ERBB4: variants seen among roughly 807,000 people sequenced by gnomAD.
ERBB4 encodes erb-b2 receptor tyrosine kinase 4, also known as receptor tyrosine-protein kinase erbB-4.
Under a neutral mutation model 158.0 loss-of-function variants are expected in ERBB4, and 42 were observed. That is an observed-to-expected ratio of 0.27 (90% CI 0.21 to 0.34). ERBB4 has a LOEUF of 0.34. Ranked by LOEUF, ERBB4 falls within the 10% of genes least tolerant of loss-of-function variation. ERBB4 has a pLI of 1.00. For synonymous variants in ERBB4, 583 were observed against 558.7 expected (o/e 1.04, Z -0.61); for missense variants, 1,333 against 1,624.1 (o/e 0.82, Z 3.08).
At chr2:212,400,965 A>G (rs1016530959) in intron 1 of ERBB4, among the ~76,000 whole-genome samples, 7 of 152,212 alleles carry the variant, frequency 4.6e-5, no homozygotes, top group East Asian at 1.9e-4. Context: ...TAGTAGCTCA[A>G]TAAATGCTAG....
chr2:211,966,876 G>A (rs529113771), intron 2 of ERBB4, among the ~76,000 whole-genome samples: 3 of 152,176 alleles, frequency 2.0e-5, no homozygotes, highest in African/African-American at 7.2e-5. Context: ...TACTACCCAA[G>A]TTGTGTATAA....
At chr2:211,846,730 C>T (rs1245999615) in intron 3 of ERBB4, among the ~76,000 whole-genome samples, 1 of 152,086 alleles carries the variant, frequency 6.6e-6, no homozygotes, top group African/African-American at 2.4e-5. Flanking sequence ...ACAATTTGAA[C>T]TTGAAAATAA....
intron 2 of ERBB4, among the ~76,000 whole-genome samples, chr2:212,099,560 T>A (rs1028726855): frequency 1.3e-5 from 2 of 152,144 alleles, no homozygotes; most frequent in African/African-American, 4.8e-5. Context: ...CTATCTCCAA[T>A]CTGCATGTGA....
chr2:211,956,675 T>C (rs1434684886), intron 2 of ERBB4, among the ~76,000 whole-genome samples: 1 of 152,122 alleles, frequency 6.6e-6, no homozygotes, highest in Non-Finnish European at 1.5e-5. Flanking sequence ...TGTAAATATT[T>C]TGTATAAGTT....
chr2:211,576,106 T>TG (rs2067884338), intron 19 of ERBB4, among the ~76,000 whole-genome samples: 2 of 151,620 alleles, frequency 1.3e-5, no homozygotes, highest in Admixed American at 6.6e-5. Flanking sequence ...TATTTTATAT[T>TG]TTTAATATAG....
Position 211,420,378 on chromosome 2 carries a change from T to C in ERBB4, c.3135+63A>G, listed in dbSNP as rs2289086. 443,355 of 1,174,814 alleles carry C rather than the reference T, an allele frequency of 0.38. 87,539 individuals carry two copies. Among genetic ancestry groups the C allele is most frequent in the South Asian group, 0.56 (44,076 of 78,508 alleles). The allele number at this position is 1,174,814 out of a possible 1,614,324, so 72.8% of individuals were successfully genotyped here. ...AATTATTTTGAAATGTTAGTGCTTA[T>C]GAACTATTACATGATTTTATATCTC... On this transcript the variant is annotated intron_variant, in intron 25 of 27. Coordinates refer to ENST00000342788, the MANE Select transcript of ERBB4 (RefSeq NM_005235.3).
At chr2:211,969,469 T>C (rs994557) in intron 2 of ERBB4, among the ~76,000 whole-genome samples, 23,153 of 151,986 alleles carry the variant, frequency 0.15, 1,783 homozygotes, top group African/African-American at 0.17. Flanking sequence ...CAAGAATGGA[T>C]TAGGTCTTTC....
intron 2 of ERBB4, among the ~76,000 whole-genome samples, chr2:212,017,441 AG>A (rs1444051862): frequency 6.6e-6 from 1 of 152,152 alleles, no homozygotes; most frequent in African/African-American, 2.4e-5. Flanking sequence ...AAGATTGAGA[AG>A]AATTCCCTGG....
At chr2:211,505,843 C>T (rs1339325504) in intron 20 of ERBB4, among the ~76,000 whole-genome samples, 4 of 151,620 alleles carry the variant, frequency 2.6e-5, no homozygotes, top group Admixed American at 2.0e-4. Context: ...GCCTATAATC[C>T]CAGCTACTCA....
At chr2:212,216,718 T>A (rs1402769) in intron 1 of ERBB4, among the ~76,000 whole-genome samples, 1 of 150,950 alleles carries the variant, frequency 6.6e-6, no homozygotes, top group East Asian at 1.9e-4. Context: ...CTACTATAAT[T>A]GTTCTCACTT....
chr2:212,498,172 T>A (rs1245629339), intron 1 of ERBB4, among the ~76,000 whole-genome samples: 3 of 151,966 alleles, frequency 2.0e-5, no homozygotes, highest in African/African-American at 7.2e-5. Context: ...GGATTTTTGA[T>A]GAGTGTAAAG....
At chr2:212,166,076 T>C (rs1481935430) in intron 1 of ERBB4, among the ~76,000 whole-genome samples, 1 of 151,998 alleles carries the variant, frequency 6.6e-6, no homozygotes, top group African/African-American at 2.4e-5. Flanking sequence ...TCAAATTCTA[T>C]TTAGTCCTGC....
intron 7 of ERBB4, among the ~76,000 whole-genome samples, chr2:211,721,186 G>A (rs2074078167): frequency 6.6e-6 from 1 of 152,142 alleles, no homozygotes; most frequent in African/African-American, 2.4e-5. Context: ...ATCACACGAA[G>A]TCAGGTGTGA....
Position 211,434,892 on chromosome 2 carries a change from T to C in ERBB4, c.2488-3792A>G, listed in dbSNP as rs554061525. Among the ~76,000 whole-genome samples, 21 of 152,322 alleles carry C rather than the reference T, an allele frequency of 1.4e-4. No individual in the cohort carries two copies. In the South Asian group the frequency reaches 3.3e-3, roughly 24 times the overall value. Reference sequence around the variant, plus strand: ...TAACTATGAAACATCATTATACAGATGCACGCTTTCAAATCATTACTTACT... The same window carrying C: ...TAACTATGAAACATCATTATACAGACGCACGCTTTCAAATCATTACTTACT... On this transcript the variant is annotated intron_variant, in intron 20 of 27. Transcript: ENST00000342788.
intron 1 of ERBB4, among the ~76,000 whole-genome samples, chr2:212,218,134 G>A (rs967943373): frequency 1.2e-4 from 18 of 151,258 alleles, no homozygotes; most frequent in African/African-American, 3.4e-4. Flanking sequence ...CATTGCTAAC[G>A]AGAGCTGCTT....
At chr2:211,649,029 A>AAAAC (rs2070883695) in intron 16 of ERBB4, among the ~76,000 whole-genome samples, 2 of 151,872 alleles carry the variant, frequency 1.3e-5, no homozygotes, top group Non-Finnish European at 3.0e-5. Flanking sequence ...TTGTTCATAT[A>AAAAC]TGTCTTAGAT....
At chr2:212,506,805 T>G (rs1224160723) in intron 1 of ERBB4, among the ~76,000 whole-genome samples, 1 of 152,146 alleles carries the variant, frequency 6.6e-6, no homozygotes, top group Admixed American at 6.5e-5. Flanking sequence ...AAAAGCAAGG[T>G]GAACTAACAA....
intron 1 of ERBB4, among the ~76,000 whole-genome samples, chr2:212,512,902 T>C (rs1371177806): frequency 6.6e-6 from 1 of 152,178 alleles, no homozygotes; most frequent in East Asian, 1.9e-4. Flanking sequence ...GCCTGACATC[T>C]TTATGCTTTA....
intron 20 of ERBB4, among the ~76,000 whole-genome samples, chr2:211,509,068 C>G (rs986317686): frequency 6.6e-6 from 1 of 152,124 alleles, no homozygotes. Context: ...TCACTCTCAG[C>G]AAACTATCAC....
Sources: allele counts gnomAD v4.1 joint callset (sites outside exome capture counted in the v4.1 genomes callset), GRCh38; gene constraint gnomAD v4.1.1; transcripts MANE v1.5; gene names NCBI Gene and HGNC (gene_info 2026-07-23, HGNC 2026-07-21).